The following ALOX5 variants were observed in gnomAD, a reference collection of about 807,000 sequenced individuals.
The protein encoded by ALOX5 is polyunsaturated fatty acid 5-lipoxygenase.
Under a neutral mutation model 87.9 loss-of-function variants are expected in ALOX5, and 64 were observed. The ratio of observed to expected loss-of-function variants is 0.73; its 90% confidence interval spans 0.60 to 0.90. The LOEUF (loss-of-function observed/expected upper bound fraction) is 0.90, where lower values mean the gene tolerates loss of function less well. ALOX5 is among the 40% of genes least tolerant of loss of function. The pLI is 0.00. For missense variants in ALOX5, 822 were observed against 907.5 expected (o/e 0.91, Z 1.21); for synonymous variants, 388 against 355.1 (o/e 1.09, Z -1.04).
intron 1 of ALOX5, among the ~76,000 whole-genome samples, chr10:45,376,322 T>A (rs1337615593): frequency 2.4e-5 from 1 of 41,154 alleles, no homozygotes; most frequent in African/African-American, 9.8e-5. Context: ...GGGCTATAAG[T>A]CAGGGGTGGG....
intron 2 of ALOX5, among the ~76,000 whole-genome samples, chr10:45,386,300 CA>C (rs56924533): frequency 0.1 from 13,015 of 124,324 alleles, 1,782 homozygotes; most frequent in African/African-American, 0.32. Flanking sequence ...GACTCTGTCT[CA>C]AAAAAAAAAA....
intron 6 of ALOX5, 86 bp from the exon 7 acceptor site, chr10:45,428,532 G>A: frequency 2.6e-6 from 4 of 1,536,470 alleles, no homozygotes; most frequent in African/African-American, 1.4e-5. Context: ...GGAGAGGGGT[G>A]CCCAGAGGTC....
At chr10:45,443,914 C>A (rs1045953061) in intron 12 of ALOX5, 86 bp downstream of exon 12, 3 of 1,479,266 alleles carry the variant, frequency 2.0e-6, no homozygotes, top group African/African-American at 2.8e-5. Context: ...GCGTACTGCA[C>A]CCTCGGACAG....
intron 4 of ALOX5, among the ~76,000 whole-genome samples, chr10:45,416,441 C>T (rs1375760180): frequency 2.0e-5 from 3 of 152,162 alleles, no homozygotes; most frequent in East Asian, 1.9e-4. Flanking sequence ...AACATCACGG[C>T]AGTTAGGGGC....
At chr10:45,420,535 C>T (rs1440667106) in intron 4 of ALOX5, among the ~76,000 whole-genome samples, 1 of 152,262 alleles carries the variant, frequency 6.6e-6, no homozygotes, top group African/African-American at 2.4e-5. Flanking sequence ...TGGATGGCTA[C>T]ACTCCCCGCC....
Position 45,374,222 on chromosome 10 carries a change from G to A in ALOX5, c.-58G>A. On this transcript the variant is annotated 5_prime_UTR_variant, in exon 1 of 14. Coordinates refer to ENST00000374391, the MANE Select transcript of ALOX5 (RefSeq NM_000698.5). The stretch of plus-strand genomic sequence containing the variant: ...GGGAGGAGGCTGCGGCGCTAGATGC[G>A]GACACCTGGACCGCCGCGCCGAGGC... 1 of 1,410,530 alleles carries A rather than the reference G, an allele frequency of 7.1e-7. No homozygotes were observed. Among genetic ancestry groups the A allele is most frequent in the Admixed American group, 3.1e-5 (1 of 31,962 alleles). The allele number at this position is 1,410,530 out of a possible 1,614,324, so 87.4% of individuals were successfully genotyped here. A position where few individuals can be genotyped will look rare whatever the true frequency, so the allele number is the denominator to read the frequency against.
chr10:45,440,674 T>G (rs767349624), intron 8 of ALOX5, 41 bp downstream of exon 8: 2 of 1,598,514 alleles, frequency 1.3e-6, no homozygotes, highest in Non-Finnish European at 1.7e-6. Flanking sequence ...GGAGGGCATC[T>G]GAGATGTGGA....
At chr10:45,432,906 A>G (rs746880075) in intron 7 of ALOX5, among the ~76,000 whole-genome samples, 7 of 152,264 alleles carry the variant, frequency 4.6e-5, no homozygotes, top group Non-Finnish European at 8.8e-5. Flanking sequence ...AACAGAAGTG[A>G]CAGCTAAGAG....
intron 13 of ALOX5, chr10:45,444,700 G>T (rs1006685644): frequency 2.1e-5 from 4 of 191,598 alleles, no homozygotes; most frequent in Middle Eastern, 2.0e-3. Context: ...ACCCGCTTTG[G>T]GGTAGCTCAG....
In ALOX5 at chr10:45,428,781, C is replaced by G; in HGVS notation, c.981+17C>G. The G allele has an allele frequency of 6.2e-7, 1 of 1,613,308 alleles. No individual in the cohort carries two copies. The highest frequency in any genetic ancestry group is 8.5e-7 in the Non-Finnish European group (1 of 1,179,890). On this transcript the variant is annotated intron_variant, in intron 7 of 13. Transcript: ENST00000374391. The stretch of plus-strand genomic sequence containing the variant: ...GCCATCCAGGTAGGCTGCTGGGGGG[C>G]ACACCTTTCTGAGCAGCTCAGTCCT...
At chr10:45,427,121 G>C (rs1051838891) in intron 6 of ALOX5, among the ~76,000 whole-genome samples, 1 of 152,344 alleles carries the variant, frequency 6.6e-6, no homozygotes, top group Admixed American at 6.5e-5. Context: ...CCAGAAATAT[G>C]AAAGGGAGGC....
chr10:45,374,550 G>T (rs1028045771), intron 1 of ALOX5, 121 bp downstream of exon 1: 2 of 1,001,344 alleles, frequency 2.0e-6, no homozygotes, highest in African/African-American at 1.7e-5. Context: ...CAGGACTGGG[G>T]GTGTCCAGGA....
intron 1 of ALOX5, among the ~76,000 whole-genome samples, chr10:45,375,598 T>G (rs1839575546): frequency 6.6e-6 from 1 of 152,266 alleles, no homozygotes. Context: ...ATGTTTCAAC[T>G]GATTACTCTT....
chr10:45,436,427 A>G (rs977598095), intron 7 of ALOX5, among the ~76,000 whole-genome samples: 3 of 152,172 alleles, frequency 2.0e-5, no homozygotes, highest in African/African-American at 7.2e-5. Flanking sequence ...TAATTTTTGT[A>G]TATGGTGAGA....
At chr10:45,421,119 C>T (rs1324400381) in intron 4 of ALOX5, among the ~76,000 whole-genome samples, 1 of 152,232 alleles carries the variant, frequency 6.6e-6, no homozygotes, top group African/African-American at 2.4e-5. Flanking sequence ...CAGGGTCCTT[C>T]TTTTTACAAA....
chr10:45,389,658 C>T (rs1262003727), intron 2 of ALOX5, among the ~76,000 whole-genome samples: 1 of 152,194 alleles, frequency 6.6e-6, no homozygotes, highest in East Asian at 1.9e-4. Context: ...GATTTTGTCA[C>T]CACCAGGCCT....
chr10:45,422,409 C>A lies in ALOX5; in HGVS notation c.555-1632C>A, dbSNP rs143489451. 1.6e-3 allele frequency among the ~76,000 whole-genome samples: 250 copies of A among 152,266 alleles called. 1 individual carries two copies. Among genetic ancestry groups the A allele is most frequent in the African/African-American group, 5.8e-3 (240 of 41,552 alleles). ...GCTCCACCTGAGAAGTGGGTCCAGG[C>A]AGAGCACTGGGTCCTGGCCACCTAG... is the stretch of plus-strand genomic sequence containing the variant. On this transcript the variant is annotated intron_variant, in intron 4 of 13. Coordinates refer to ENST00000374391, the MANE Select transcript of ALOX5 (RefSeq NM_000698.5).
At chr10:45,407,378 G>A (rs547183330) in intron 3 of ALOX5, among the ~76,000 whole-genome samples, 3 of 149,286 alleles carry the variant, frequency 2.0e-5, no homozygotes, top group African/African-American at 7.6e-5. Flanking sequence ...ATATACCTAG[G>A]TGTATCTTTT....
At chr10:45,424,281 C>T (rs71494781) in intron 5 of ALOX5, 134 bp downstream of exon 5, 1 of 731,740 alleles carries the variant, frequency 1.4e-6, no homozygotes, top group Non-Finnish European at 2.4e-6. Context: ...CCATGCCACC[C>T]TGGACAGCAC....
Sources: allele counts gnomAD v4.1 joint callset (sites outside exome capture counted in the v4.1 genomes callset), GRCh38; gene constraint gnomAD v4.1.1; transcripts MANE v1.5; gene names NCBI Gene and HGNC (gene_info 2026-07-23, HGNC 2026-07-21).